The following CELF2 variants were observed in gnomAD, a reference collection of about 807,000 sequenced individuals.
CELF2 encodes CUGBP Elav-like family member 2.
A neutral mutation model predicts 62.6 loss-of-function variants in CELF2; 8 were observed. That is an observed-to-expected ratio of 0.13 (90% CI 0.07 to 0.23). The LOEUF is 0.23. CELF2 is among the 10% of genes least tolerant of loss of function. The pLI, the probability that CELF2 is intolerant of heterozygous loss-of-function variation, is 1.00. For synonymous variants in CELF2, 258 were observed against 250.0 expected (o/e 1.03, Z -0.30); for missense variants, 333 against 671.0 (o/e 0.50, Z 5.56).
At chr10:11,019,468 C>G (rs574755082) in intron 1 of CELF2, among the ~76,000 whole-genome samples, 20 of 152,198 alleles carry the variant, frequency 1.3e-4, no homozygotes, top group African/African-American at 4.8e-4. Flanking sequence ...TGATCCATTT[C>G]CCTGGCAACT....
the CELF2 span, among the ~76,000 whole-genome samples, chr10:10,727,468 C>G: frequency 6.6e-6 from 1 of 152,068 alleles, no homozygotes; most frequent in Non-Finnish European, 1.5e-5. Context: ...GAACATCTGC[C>G]CTTGATTGCA....
chr10:11,018,867 G>C (rs1020135518), intron 1 of CELF2: 2 of 152,344 alleles, frequency 1.3e-5, no homozygotes, highest in African/African-American at 4.8e-5. Flanking sequence ...TTCCTAAGGT[G>C]GGAGAGGGGA....
chr10:11,097,916 C>T (rs1037368818), intron 1 of CELF2, among the ~76,000 whole-genome samples: 7 of 152,186 alleles, frequency 4.6e-5, no homozygotes, highest in South Asian at 4.1e-4. Context: ...TTAACCCATG[C>T]GGCCACTGAC....
intron 1 of CELF2, among the ~76,000 whole-genome samples, chr10:11,025,144 T>A (rs991304557): frequency 1.3e-5 from 2 of 152,084 alleles, no homozygotes; most frequent in African/African-American, 4.8e-5. Flanking sequence ...AAGAGTAAAG[T>A]ATTTTGTCAT....
the CELF2 span, among the ~76,000 whole-genome samples, chr10:10,609,885 CA>C: frequency 1.3e-5 from 2 of 152,206 alleles, no homozygotes; most frequent in African/African-American, 4.8e-5. Context: ...GAGCAATATA[CA>C]AACCCTCAAA....
chr10:11,278,828 G>A (rs1250233147), intron 8 of CELF2, among the ~76,000 whole-genome samples: 1 of 152,162 alleles, frequency 6.6e-6, no homozygotes. Flanking sequence ...GATGAAGTAG[G>A]GACTCTAAGT....
At chr10:11,154,214 GT>G (rs931200261) in intron 1 of CELF2, among the ~76,000 whole-genome samples, 2 of 152,314 alleles carry the variant, frequency 1.3e-5, no homozygotes, top group African/African-American at 4.8e-5. Context: ...GATGGTGTGT[GT>G]TTTAAGAAAT....
At chr10:11,061,323 T>C (rs1012873388) in intron 1 of CELF2, among the ~76,000 whole-genome samples, 1 of 152,208 alleles carries the variant, frequency 6.6e-6, no homozygotes, top group African/African-American at 2.4e-5. Context: ...CCATAACTCT[T>C]CAATTCTTTG....
intron 1 of CELF2, among the ~76,000 whole-genome samples, chr10:11,141,313 C>T (rs570982759): frequency 2.4e-4 from 36 of 152,272 alleles, no homozygotes; most frequent in Non-Finnish European, 3.4e-4. Context: ...GCAGTCCCCA[C>T]GATGGAGGAC....
At chr10:11,147,305 G>C (rs562468133) in intron 1 of CELF2, among the ~76,000 whole-genome samples, 56 of 152,318 alleles carry the variant, frequency 3.7e-4, no homozygotes, top group South Asian at 8.3e-4. Flanking sequence ...CCCTCTTGGT[G>C]AGAAATTGTG....
the CELF2 span, among the ~76,000 whole-genome samples, chr10:10,625,446 C>T: frequency 2.5e-4 from 38 of 150,794 alleles, no homozygotes; most frequent in Admixed American, 2.0e-3. Context: ...GGCAACACTG[C>T]GTATCTCTGA....
intron 1 of CELF2, among the ~76,000 whole-genome samples, chr10:10,918,457 A>G (rs543569717): frequency 6.6e-6 from 1 of 152,346 alleles, no homozygotes; most frequent in Non-Finnish European, 1.5e-5. Context: ...TTACTTAGGA[A>G]AGAATATTTT....
the CELF2 span, among the ~76,000 whole-genome samples, chr10:10,574,257 A>G: frequency 6.6e-6 from 1 of 152,180 alleles, no homozygotes. Flanking sequence ...TGAGCAAGTA[A>G]ATGATATAGT....
chr10:10,762,539 C>G, the CELF2 span, among the ~76,000 whole-genome samples: 1 of 152,092 alleles, frequency 6.6e-6, no homozygotes, highest in African/African-American at 2.4e-5. Flanking sequence ...GATGTCTACA[C>G]GTAGATCGAA....
At chr10:11,257,981 CAT>C in intron 5 of CELF2, 109 bp downstream of exon 5, 1 of 1,236,262 alleles carries the variant, frequency 8.1e-7, no homozygotes, top group South Asian at 1.5e-5. Context: ...CCCTGTAATA[CAT>C]CCCATGTGAT....
At chr10:10,531,382 C>T in the CELF2 span, among the ~76,000 whole-genome samples, 1 of 152,198 alleles carries the variant, frequency 6.6e-6, no homozygotes, top group East Asian at 1.9e-4. Context: ...AATTGAGTAA[C>T]TTGACCAAGG....
At position 11,311,490 on chromosome 10, in the gene CELF2, A is replaced by G. The variant is rs1254013124; in HGVS notation, c.977-2649A>G. ...AGTAAACCAAGCACCAAGAGTGAGA[A>G]ATAGCAGGGACATTATTAGACACCA... is the stretch of plus-strand genomic sequence containing the variant. On this transcript the variant is annotated intron_variant, in intron 9 of 12. Coordinates refer to ENST00000633077, the MANE Select transcript of CELF2 (RefSeq NM_001326342.2). The surrounding 1 kb of genome is among the most constrained non-coding windows in gnomAD (Gnocchi z 4.7). Among the ~76,000 whole-genome samples the G allele has an allele frequency of 6.6e-6, 1 of 152,230 alleles. No homozygotes were observed. The highest frequency in any genetic ancestry group is 1.9e-4 in the East Asian group (1 of 5,200).
At chr10:11,060,302 AC>A (rs2066418202) in intron 1 of CELF2, among the ~76,000 whole-genome samples, 1 of 152,222 alleles carries the variant, frequency 6.6e-6, no homozygotes, top group African/African-American at 2.4e-5. Flanking sequence ...CTCTGCGTGC[AC>A]CGTTCCCGGC....
At chr10:10,649,455 G>A in the CELF2 span, among the ~76,000 whole-genome samples, 1 of 152,062 alleles carries the variant, frequency 6.6e-6, no homozygotes, top group East Asian at 1.9e-4. Flanking sequence ...TTTCCTCTGG[G>A]GGGAAAAAAT....
Sources: allele counts gnomAD v4.1 joint callset (sites outside exome capture counted in the v4.1 genomes callset), GRCh38; gene constraint gnomAD v4.1.1; non-coding constraint Gnocchi (gnomAD v3.1); transcripts MANE v1.5; gene names NCBI Gene and HGNC (gene_info 2026-07-23, HGNC 2026-07-21).